TIMM44: variants seen among roughly 807,000 people sequenced by gnomAD.
TIMM44 encodes the protein mitochondrial import inner membrane translocase subunit TIM44.
In TIMM44, 37 loss-of-function variants were observed where a neutral mutation model predicts 63.8. That is an observed-to-expected ratio of 0.58 (90% CI 0.45 to 0.76). The LOEUF (loss-of-function observed/expected upper bound fraction) is 0.76. Among genes scored for constraint, TIMM44 ranks in the 30% least tolerant of loss-of-function variants. TIMM44 has a pLI of 0.00. For missense variants in TIMM44, 573 were observed against 603.8 expected (o/e 0.95, Z 0.54); for synonymous variants, 239 against 245.1 (o/e 0.98, Z 0.23).
chr19:7,929,694 C>T (rs561676339), intron 10 of TIMM44, among the ~76,000 whole-genome samples: 4 of 151,094 alleles, frequency 2.6e-5, no homozygotes, highest in South Asian at 2.1e-4. Context: ...TCCCAGCCCC[C>T]CCCCAGTCAT....
intron 9 of TIMM44, chr19:7,931,438 C>G (rs1568295068): frequency 3.8e-6 from 2 of 525,566 alleles, no homozygotes; most frequent in Non-Finnish European, 6.9e-6. Context: ...CAGGAGGCAC[C>G]CCACAGGGGG....
chr19:7,927,176 C>T lies in TIMM44; in HGVS notation c.*11G>A, dbSNP rs1039692554. On this transcript the variant is annotated 3_prime_UTR_variant, in exon 13 of 13. Coordinates refer to ENST00000270538, the MANE Select transcript of TIMM44 (RefSeq NM_006351.4). ...GACCCAGGCCGGGGCTACCTGGCTC[C>T]GGCACCACACTCAGAGAATCTGCTC... is the stretch of plus-strand genomic sequence containing the variant. The T allele has an allele frequency of 6.9e-6, 11 of 1,604,022 alleles. No individual in the cohort carries two copies. Among genetic ancestry groups the T allele is most frequent in the Middle Eastern group, 1.7e-4 (1 of 6,056 alleles).
chr19:7,927,558 G>T, intron 12 of TIMM44, 99 bp downstream of exon 12: 1 of 1,299,956 alleles, frequency 7.7e-7, no homozygotes, highest in Non-Finnish European at 1.1e-6. Flanking sequence ...CAGTCCCAGA[G>T]CTTCAGGGCT....
chr19:7,941,170 GA>G lies in TIMM44; in HGVS notation c.72del (p.Leu25PhefsTer40). The part of the protein sequence containing the change: ...PRRCLGSGIQ[F>X]LSSHNLPHGS... ...CCATGGGGTAGGTTGTGGCTGGAAA[GA>G]AATTGGATTCCACTGCCGAGGCATC... is the stretch of plus-strand genomic sequence containing the variant. On this transcript the variant is annotated frameshift_variant, in exon 2 of 13. Coordinates refer to ENST00000270538, the MANE Select transcript of TIMM44 (RefSeq NM_006351.4). LOFTEE classifies it high-confidence loss of function. The G allele has an allele frequency of 6.2e-7, 1 of 1,614,136 alleles. No individual in the cohort carries two copies. Among genetic ancestry groups the G allele is most frequent in the Non-Finnish European group, 8.5e-7 (1 of 1,179,984 alleles).
Position 7,932,759 on chromosome 19 carries a change from G to C in TIMM44, c.863-8C>G. On this transcript the variant is annotated splice_region_variant and splice_polypyrimidine_tract_variant and intron_variant, in intron 8 of 12. Coordinates refer to ENST00000270538, the MANE Select transcript of TIMM44 (RefSeq NM_006351.4). ...TCTTGGAGAACAGGCCCCCTGCAGG[G>C]AGCAGAGCCGGGAGTTCGGGGGGAA... 6.2e-7 allele frequency: 1 copy of C among 1,614,046 alleles called. No individual in the cohort carries two copies. The highest frequency in any genetic ancestry group is 8.5e-7 in the Non-Finnish European group (1 of 1,180,000).
At chr19:7,928,193 G>A (rs760772863) in intron 10 of TIMM44, 27 bp from the exon 11 acceptor site, 30 of 1,599,336 alleles carry the variant, frequency 1.9e-5, no homozygotes, top group East Asian at 1.1e-4. Context: ...ACACGCCTGC[G>A]TGATGCCACC....
At position 7,941,132 on chromosome 19, in the gene TIMM44, C is replaced by G; in HGVS notation, c.111G>C (p.Gln37His). 1.2e-6 allele frequency: 2 copies of G among 1,614,112 alleles called. No individual in the cohort carries two copies. Among genetic ancestry groups the G allele is most frequent in the Non-Finnish European group, 1.7e-6 (2 of 1,180,016 alleles). ...SHNLPHGSTY[Q>H]MRRPGGELPL... ...GCAGCTCTCCGCCCGGCCGGCGCAT[C>G]TGATAGGTCGACCCATGGGGTAGGT... Residue 37 changes from glutamine to histidine, a missense_variant, in exon 2 of 13, where the codon CAG (glutamine) becomes CAC (histidine). By Grantham distance (24) the Gln-to-His change is conservative (BLOSUM62 0). Transcript: ENST00000270538.
rs567730102 is a variant in TIMM44 at position 7,926,845 on chromosome 19, C to CCG, written c.*340_*341dup. ...CTGACGTGGCTAGCGGGCCACTGAG[C>CCG]CGCGGGTCCCGGGTCCCACCCTGCT... On this transcript the variant is annotated 3_prime_UTR_variant, in exon 13 of 13. Coordinates refer to ENST00000270538, the MANE Select transcript of TIMM44 (RefSeq NM_006351.4). The CCG allele has an allele frequency of 0.01, 3,637 of 360,842 alleles. 28 individuals carry two copies. Among genetic ancestry groups the CCG allele is most frequent in the Non-Finnish European group, 0.014 (2,638 of 188,248 alleles). The allele number at this position is 360,842 out of a possible 1,614,324, so 22.4% of individuals were successfully genotyped here.
chr19:7,927,738 C>A lies in TIMM44; in HGVS notation c.1158G>T (p.Gly386=). The change falls in exon 12 of 13, where the codon GGG becomes GGT. Residue 386 remains glycine, a synonymous_variant. Coordinates refer to ENST00000270538, the MANE Select transcript of TIMM44 (RefSeq NM_006351.4). ...DLAMGKMMEQ[G]PVLIITFQAQ... is the part of the protein sequence containing the mutation. The stretch of plus-strand genomic sequence containing the variant: ...CCTGGAAGGTGATGATCAGCACCGG[C>A]CCCTGCTCCATCATCTTGCCCATGG... The A allele has an allele frequency of 3.1e-6, 5 of 1,612,592 alleles. No homozygotes were observed. The highest frequency in any genetic ancestry group is 4.2e-6 in the Non-Finnish European group (5 of 1,180,008).
chr19:7,929,652 G>C (rs1415433934), intron 10 of TIMM44, among the ~76,000 whole-genome samples: 4 of 152,088 alleles, frequency 2.6e-5, no homozygotes, highest in African/African-American at 9.7e-5. Flanking sequence ...CCTGGGAAGT[G>C]GGATGGGTGA....
In TIMM44 at chr19:7,943,040, CAAAA is replaced by C. The variant is rs546602728; in HGVS notation, c.45+563_45+566del. On this transcript the variant is annotated intron_variant, in intron 1 of 12. Transcript: ENST00000270538. This position sits in a 1 kb window ranked among gnomAD's most constrained non-coding sequence, Gnocchi z 4.3. ...GGGCGACAAGAGCGAAACTCTGTCT[CAAAA>C]AAAAAAAAAAAAGAGAAAAAAGAAA... is the stretch of plus-strand genomic sequence containing the variant. Among the ~76,000 whole-genome samples, 2 of 84,008 alleles carry C rather than the reference CAAAA, an allele frequency of 2.4e-5. No individual in the cohort carries two copies. Among genetic ancestry groups the C allele is most frequent in the Non-Finnish European group, 2.6e-5 (1 of 38,820 alleles). 55.1% of individuals were successfully genotyped at this position (84,008 alleles called of 152,430 possible).
Position 7,927,720 on chromosome 19 carries a change from G to C in TIMM44, c.1176C>G (p.Thr392=). 3.1e-6 allele frequency: 5 copies of C among 1,613,292 alleles called. No individual in the cohort carries two copies. Among genetic ancestry groups the C allele is most frequent in the Non-Finnish European group, 3.4e-6 (4 of 1,180,020 alleles). Residue 392 remains threonine (T), a synonymous_variant, in exon 12 of 13, where the codon ACC becomes ACG. Coordinates refer to ENST00000270538, the MANE Select transcript of TIMM44 (RefSeq NM_006351.4). ...CCACCATCACCAGCTGTGCCTGGAA[G>C]GTGATGATCAGCACCGGCCCCTGCT... is the stretch of plus-strand genomic sequence containing the variant. ...MMEQGPVLII[T]FQAQLVMVVR...
chr19:7,928,038 C>T, intron 11 of TIMM44, 39 bp downstream of exon 11: 1 of 1,581,126 alleles, frequency 6.3e-7, no homozygotes, highest in Non-Finnish European at 8.7e-7. Context: ...TAGTTCCCAC[C>T]CCCGATGGTG....
chr19:7,928,017 T>C (rs912456987), intron 11 of TIMM44, 60 bp downstream of exon 11: 1 of 1,520,918 alleles, frequency 6.6e-7, no homozygotes, highest in African/African-American at 1.4e-5. Flanking sequence ...TCCTGGGCCT[T>C]GTCTGGGCCA....
chr19:7,941,513 C>G (rs879372620), intron 1 of TIMM44, among the ~76,000 whole-genome samples: 3 of 151,852 alleles, frequency 2.0e-5, no homozygotes, highest in African/African-American at 4.8e-5. Context: ...GTCTCGAACT[C>G]CTGACCTCAG....
rs1268005763 is a variant in TIMM44, at chr19:7,932,968, C to G, written c.770-36G>C. 3.2e-6 allele frequency: 5 copies of G among 1,578,702 alleles called. No homozygotes were observed. The East Asian group carries it at 1.1e-4, about 35-fold the overall frequency. ...TGGGGTAGGTGCTGGAGAAGGGGCC[C>G]CTTCCAGAAACACAACCCTCCCTCA... On this transcript the variant is annotated intron_variant, in intron 7 of 12. Transcript: ENST00000270538.
At chr19:7,930,688 A>G (rs997346529) in intron 10 of TIMM44, among the ~76,000 whole-genome samples, 4 of 152,096 alleles carry the variant, frequency 2.6e-5, no homozygotes, top group Non-Finnish European at 4.4e-5. Context: ...GGCTCAAGCA[A>G]TCTCCCGCCT....
intron 9 of TIMM44, chr19:7,931,612 C>T (rs1388761468): frequency 4.7e-6 from 1 of 211,210 alleles, no homozygotes; most frequent in Non-Finnish European, 9.7e-6. Flanking sequence ...CAAGGCCCAC[C>T]ATGGGACCGG....
chr19:7,932,916 C>T lies in TIMM44; in HGVS notation c.786G>A (p.Lys262=). Residue 262 remains lysine (K), a synonymous_variant, in exon 8 of 13, where the codon AAG becomes AAA. Coordinates refer to ENST00000270538, the MANE Select transcript of TIMM44 (RefSeq NM_006351.4). ...CGTTGTCGCTTTCGTCATACTTCAT[C>T]TTCATCTCGAAGAACCCTGTGGAAG... is the stretch of plus-strand genomic sequence containing the variant. ...NVVFNRFFEM[K]MKYDESDNAF... 1.9e-6 allele frequency: 3 copies of T among 1,614,168 alleles called. No homozygotes were observed. Among genetic ancestry groups the T allele is most frequent in the Non-Finnish European group, 2.5e-6 (3 of 1,180,010 alleles).
Sources: allele counts gnomAD v4.1 joint callset (sites outside exome capture counted in the v4.1 genomes callset), GRCh38; gene constraint gnomAD v4.1.1; non-coding constraint Gnocchi (gnomAD v3.1); transcripts MANE v1.5; gene names NCBI Gene and HGNC (gene_info 2026-07-23, HGNC 2026-07-21).